Variants in ZNF69 observed in about 807,000 individuals in gnomAD.
ZNF69 encodes the protein ZNF3.
Under a neutral mutation model 50.9 loss-of-function variants are expected in ZNF69, and 47 were observed. The observed-to-expected ratio is 0.92, with a 90% confidence interval of 0.73 to 1.18. ZNF69 has a LOEUF of 1.18. ZNF69 is among the 50% of genes most tolerant of loss of function. The pLI is 0.00. For synonymous variants in ZNF69, 216 were observed against 223.1 expected, an observed-to-expected ratio of 0.97 and a Z score of 0.29; for missense variants, 717 against 675.1, an observed-to-expected ratio of 1.06 and a Z score of -0.69.
At chr19:11,966,278 C>G in the ZNF69 span, among the ~76,000 whole-genome samples, 1 of 152,146 alleles carries the variant, frequency 6.6e-6, no homozygotes, top group Admixed American at 6.5e-5. Flanking sequence ...GTCTCACCTG[C>G]CATCCTGTCA....
At chr19:11,959,144 C>T in the ZNF69 span, among the ~76,000 whole-genome samples, 1 of 152,310 alleles carries the variant, frequency 6.6e-6, no homozygotes, top group East Asian at 1.9e-4. Flanking sequence ...GCCTCAGCCT[C>T]CCAAAGTTCT....
chr19:11,903,329 A>C (rs548521699), intron 1 of ZNF69, among the ~76,000 whole-genome samples: 1 of 152,352 alleles, frequency 6.6e-6, no homozygotes, highest in Non-Finnish European at 1.5e-5. Flanking sequence ...CTGAGGAAGA[A>C]GAAGTGGTAG....
chr19:11,900,852 T>TCA (rs1202964207), intron 1 of ZNF69, among the ~76,000 whole-genome samples: 1 of 152,218 alleles, frequency 6.6e-6, no homozygotes, highest in Non-Finnish European at 1.5e-5. Flanking sequence ...ATTTTCTCAT[T>TCA]CACAGATCAT....
chr19:11,949,064 T>C, the ZNF69 span: 107 of 1,609,016 alleles, frequency 6.7e-5, no homozygotes, highest in Non-Finnish European at 8.8e-5. Flanking sequence ...TCCTATCTTA[T>C]AAGTTTTCAA....
chr19:11,893,199 G>C (rs777989837), intron 1 of ZNF69, among the ~76,000 whole-genome samples: 1 of 152,286 alleles, frequency 6.6e-6, no homozygotes, highest in South Asian at 2.1e-4. Flanking sequence ...GCCTGATTAA[G>C]CATAAATTTT....
chr19:11,925,249 C>T, the ZNF69 span: 1 of 1,612,988 alleles, frequency 6.2e-7, no homozygotes, highest in Non-Finnish European at 8.5e-7. Context: ...GAGAGGACCC[C>T]GGTACATCTG....
intron 1 of ZNF69, among the ~76,000 whole-genome samples, chr19:11,900,540 A>G (rs1364226553): frequency 6.6e-6 from 1 of 151,744 alleles, no homozygotes; most frequent in Non-Finnish European, 1.5e-5. Context: ...TTTACTAGAG[A>G]CGGGGTTTCA....
At chr19:11,931,844 G>T in the ZNF69 span, among the ~76,000 whole-genome samples, 3 of 148,174 alleles carry the variant, frequency 2.0e-5, no homozygotes, top group Non-Finnish European at 2.9e-5. Context: ...GGCCAGGCAC[G>T]GTGGCTCGCG....
chr19:11,891,958 G>A (rs565888953), intron 1 of ZNF69, among the ~76,000 whole-genome samples: 58 of 152,210 alleles, frequency 3.8e-4, no homozygotes, highest in African/African-American at 1.4e-3. Flanking sequence ...ATAGAAGGCT[G>A]ATGTATGAGG....
the ZNF69 span, among the ~76,000 whole-genome samples, chr19:11,967,193 G>A: frequency 6.6e-6 from 1 of 152,180 alleles, no homozygotes; most frequent in Admixed American, 6.5e-5. Context: ...AAAATTAACT[G>A]GGTGTGGTGG....
At chr19:11,979,667 A>G in the ZNF69 span, 13 of 1,588,106 alleles carry the variant, frequency 8.2e-6, no homozygotes, top group African/African-American at 2.8e-5. Flanking sequence ...ATCTGCCTCA[A>G]TCCTTCAAAT....
At chr19:11,920,102 T>C in the ZNF69 span, among the ~76,000 whole-genome samples, 1 of 151,872 alleles carries the variant, frequency 6.6e-6, no homozygotes, top group East Asian at 1.9e-4. Flanking sequence ...AAGGAACTTT[T>C]ACTTTTTTTT....
chr19:11,931,021 G>A, the ZNF69 span, among the ~76,000 whole-genome samples: 1 of 146,368 alleles, frequency 6.8e-6, no homozygotes, highest in Non-Finnish European at 1.5e-5. Context: ...AAACAACATA[G>A]ATGCCCTCGT....
chr19:11,950,001 ATTCTC>A, the ZNF69 span: 1 of 1,613,822 alleles, frequency 6.2e-7, no homozygotes, highest in Non-Finnish European at 8.5e-7. Context: ...CATTCTGTAA[ATTCTC>A]TTCTTTTCAA....
the ZNF69 span, among the ~76,000 whole-genome samples, chr19:11,939,098 T>G: frequency 6.6e-6 from 1 of 152,216 alleles, no homozygotes; most frequent in Non-Finnish European, 1.5e-5. Flanking sequence ...GTAAATTTGT[T>G]TAAGTTCTTT....
intron 1 of ZNF69, among the ~76,000 whole-genome samples, chr19:11,890,265 A>T (rs1305621567): frequency 6.6e-6 from 1 of 152,156 alleles, no homozygotes; most frequent in Non-Finnish European, 1.5e-5. Context: ...AGTGGGGGAA[A>T]ACCTTGGACA....
At chr19:11,952,443 G>A in the ZNF69 span, among the ~76,000 whole-genome samples, 5 of 152,290 alleles carry the variant, frequency 3.3e-5, no homozygotes, top group East Asian at 1.9e-4. Context: ...ATAATGTGCT[G>A]TTGATGCTAA....
At chr19:11,896,672 T>TA (rs1187171202) in intron 1 of ZNF69, among the ~76,000 whole-genome samples, 1 of 152,230 alleles carries the variant, frequency 6.6e-6, no homozygotes, top group Non-Finnish European at 1.5e-5. Flanking sequence ...TGTCAACTTC[T>TA]AATACTATAT....
chr19:11,938,847 G>A, the ZNF69 span, among the ~76,000 whole-genome samples: 6 of 152,148 alleles, frequency 3.9e-5, no homozygotes, highest in Non-Finnish European at 8.8e-5. Context: ...CACCAACAGT[G>A]TAAAAGTGTT....
Sources: gnomAD v4.1 joint callset for allele counts (sites outside exome capture counted in the v4.1 genomes callset) on GRCh38, gnomAD v4.1.1 for gene constraint, MANE v1.5 for transcripts, NCBI Gene and HGNC (gene_info 2026-07-23, HGNC 2026-07-21) for gene names.